ARHGAP20: variants seen among roughly 807,000 people sequenced by gnomAD.
ARHGAP20 encodes Rho GTPase activating protein 20, also known as rho GTPase-activating protein 20.
Under a neutral mutation model 73.7 loss-of-function variants are expected in ARHGAP20, and 34 were observed. That is an observed-to-expected ratio of 0.46 (90% CI 0.35 to 0.61). The LOEUF is 0.61. ARHGAP20 is among the 20% of genes least tolerant of loss of function. The pLI is 0.00. For synonymous variants in ARHGAP20, 523 were observed against 518.2 expected, an observed-to-expected ratio of 1.01 and a Z score of -0.13; for missense variants, 1,314 against 1,420.9, an observed-to-expected ratio of 0.92 and a Z score of 1.21.
intron 2 of ARHGAP20, among the ~76,000 whole-genome samples, chr11:110,632,553 C>T (rs1948880676): frequency 6.6e-6 from 1 of 152,056 alleles, no homozygotes. Context: ...TACAGGCATG[C>T]ACCACCACGC....
chr11:110,622,969 T>A (rs922209930), intron 4 of ARHGAP20, among the ~76,000 whole-genome samples: 4 of 152,118 alleles, frequency 2.6e-5, no homozygotes, highest in Admixed American at 6.5e-5. Context: ...AATTCCTTGA[T>A]TAAAAATGTC....
chr11:110,704,755 T>C (rs1950522721), intron 1 of ARHGAP20, among the ~76,000 whole-genome samples: 1 of 152,152 alleles, frequency 6.6e-6, no homozygotes, highest in African/African-American at 2.4e-5. Flanking sequence ...GCATTCTCTC[T>C]GCAGGCTTTC....
At chr11:110,639,092 T>A (rs745396561) in intron 2 of ARHGAP20, among the ~76,000 whole-genome samples, 1 of 152,078 alleles carries the variant, frequency 6.6e-6, no homozygotes, top group Non-Finnish European at 1.5e-5. Flanking sequence ...TGAGCATCTA[T>A]ATGTACTGTC....
chr11:110,703,804 G>C (rs1181080439), intron 1 of ARHGAP20, among the ~76,000 whole-genome samples: 1 of 152,040 alleles, frequency 6.6e-6, no homozygotes, highest in Non-Finnish European at 1.5e-5. Context: ...CAGCACCCTG[G>C]AGTAGGTAGA....
In ARHGAP20 at chr11:110,577,721, T is replaced by C; in HGVS notation, c.*1649A>G. The C allele has an allele frequency of 1.0e-6, 1 of 985,912 alleles. No homozygotes were observed. The highest frequency in any genetic ancestry group is 1.2e-6 in the Non-Finnish European group (1 of 829,974). 61.1% of individuals were successfully genotyped at this position (985,912 alleles called of 1,614,324 possible). A position where few individuals can be genotyped will look rare whatever the true frequency, so the allele number is the denominator to read the frequency against. ...TGGCCAGTGTCACGAAGTAGCTCTT[T>C]GGATACAGAGTTCTAAAAGATCATT... On this transcript the variant is annotated 3_prime_UTR_variant, in exon 15 of 15. Transcript: ENST00000683387.
At chr11:110,624,117 A>T in intron 4 of ARHGAP20, 45 bp downstream of exon 4, 1 of 1,576,788 alleles carries the variant, frequency 6.3e-7, no homozygotes, top group Non-Finnish European at 8.6e-7. Flanking sequence ...AGAAATTATC[A>T]TAGTAGCTAA....
At chr11:110,640,085 C>T (rs780400163) in intron 2 of ARHGAP20, among the ~76,000 whole-genome samples, 1 of 151,964 alleles carries the variant, frequency 6.6e-6, no homozygotes, top group Non-Finnish European at 1.5e-5. Flanking sequence ...TTAGACTTCT[C>T]CCCTTTTGCT....
chr11:110,617,272 T>A (rs983379922), intron 4 of ARHGAP20, among the ~76,000 whole-genome samples: 18 of 152,096 alleles, frequency 1.2e-4, no homozygotes, highest in African/African-American at 4.1e-4. Context: ...TTTCTTTTTT[T>A]TTTTGAGATG....
rs1947306582 is a variant in ARHGAP20, at chr11:110,577,223, ACT to A, written c.*2145_*2146del. 1 of 1,505,012 alleles carries A rather than the reference ACT, an allele frequency of 6.6e-7. No homozygotes were observed. 93.2% of individuals were successfully genotyped at this position (1,505,012 alleles called of 1,614,324 possible). A position where few individuals can be genotyped will look rare whatever the true frequency, so the allele number is the denominator to read the frequency against. On this transcript the variant is annotated 3_prime_UTR_variant, in exon 15 of 15. Transcript: ENST00000683387. The stretch of plus-strand genomic sequence containing the variant: ...AAATTTGTCAAGATATATTATACAA[ACT>A]CAAAGCATTTTAGATAAAGCATCAG...
rs1948460208 is a variant in ARHGAP20 at position 110,615,364 on chromosome 11, T to C, written c.545+189A>G. On this transcript the variant is annotated intron_variant, in intron 5 of 14. Transcript: ENST00000683387. ...CCTTCCTAGAAAGTTAAGAAATACA[T>C]ATAATGAGAGAACATTATTTGTAGC... Among the ~76,000 whole-genome samples the C allele has an allele frequency of 3.3e-5, 5 of 152,158 alleles. No individual in the cohort carries two copies. The South Asian group carries it at 8.3e-4, about 25-fold the overall frequency.
At chr11:110,686,804 C>T (rs533004071) in intron 2 of ARHGAP20, among the ~76,000 whole-genome samples, 14 of 151,952 alleles carry the variant, frequency 9.2e-5, no homozygotes, top group African/African-American at 3.4e-4. Flanking sequence ...ATTAGAAAGG[C>T]TTAGGAATCA....
At chr11:110,691,494 T>C (rs1237137380) in intron 1 of ARHGAP20, among the ~76,000 whole-genome samples, 1 of 152,178 alleles carries the variant, frequency 6.6e-6, no homozygotes, top group East Asian at 1.9e-4. Flanking sequence ...TGTTACCCAC[T>C]ACCTCTAGGC....
intron 6 of ARHGAP20, among the ~76,000 whole-genome samples, chr11:110,613,798 A>G (rs1176561974): frequency 6.6e-6 from 1 of 152,190 alleles, no homozygotes; most frequent in Non-Finnish European, 1.5e-5. Flanking sequence ...TGCCCAAAAC[A>G]TAACTATTTT....
rs773618619 is a variant in ARHGAP20, at chr11:110,580,389, G to C, written c.2557C>G (p.Gln853Glu). The C allele has an allele frequency of 5.6e-6, 9 of 1,614,228 alleles. No homozygotes were observed. The highest frequency in any genetic ancestry group is 6.8e-6 in the Non-Finnish European group (8 of 1,180,048). Residue 853 changes from glutamine (Q) to glutamate (E), a missense_variant, in exon 15 of 15, where the codon CAG becomes GAG. By Grantham distance (29) the Gln-to-Glu change is conservative. This residue lies in a region of ARHGAP20 where 641 missense variants were observed against 636.9 expected (regional missense o/e 1.01). Coordinates refer to ENST00000683387, the MANE Select transcript of ARHGAP20 (RefSeq NM_001384657.1). ...RRCSEPNIEDQNRKLTYLRGI... is the reference protein window; with the variant it reads ...RRCSEPNIEDENRKLTYLRGI... ...CTGAGATAGGTCAGCTTGCGGTTCT[G>C]GTCTTCTATGTTGGGCTCTGAGCAG...
At chr11:110,648,372 A>G (rs570259592) in intron 2 of ARHGAP20, among the ~76,000 whole-genome samples, 2 of 150,538 alleles carry the variant, frequency 1.3e-5, no homozygotes, top group African/African-American at 4.9e-5. Flanking sequence ...ATGTGGATAT[A>G]TATGTGTGAA....
In ARHGAP20 at chr11:110,700,867, A is replaced by G. The variant is rs369127354; in HGVS notation, c.106-10238T>C. On this transcript the variant is annotated intron_variant, in intron 1 of 14. Transcript: ENST00000683387. ...TGGTTTTTTGTTCTTGCAACAGTTTACTGAGAATGATGATTTCCAATTTCA... is the reference window on the plus strand; with the variant it reads ...TGGTTTTTTGTTCTTGCAACAGTTTGCTGAGAATGATGATTTCCAATTTCA... 1.9e-3 allele frequency among the ~76,000 whole-genome samples: 287 copies of G among 151,300 alleles called. 1 individual carries two copies. Among genetic ancestry groups the G allele is most frequent in the Admixed American group, 3.2e-3 (49 of 15,188 alleles).
chr11:110,703,869 C>T (rs1419092450), intron 1 of ARHGAP20, among the ~76,000 whole-genome samples: 1 of 152,164 alleles, frequency 6.6e-6, no homozygotes, highest in Non-Finnish European at 1.5e-5. Context: ...GGCTCCACTA[C>T]ATTTTTCACA....
chr11:110,665,204 A>G (rs1044876099), intron 2 of ARHGAP20, among the ~76,000 whole-genome samples: 1 of 152,214 alleles, frequency 6.6e-6, no homozygotes. Flanking sequence ...AAATGCAGCT[A>G]AAACAGTGTT....
chr11:110,577,124 C>T lies in ARHGAP20; in HGVS notation c.*2246G>A, dbSNP rs1161341998. The T allele has an allele frequency of 2.0e-6, 3 of 1,534,270 alleles. No individual in the cohort carries two copies. In the Admixed American group the frequency reaches 5.9e-5, roughly 30 times the overall value. On this transcript the variant is annotated 3_prime_UTR_variant, in exon 15 of 15. Transcript: ENST00000683387. ...TATCCATTATCAGTGCCTTGAAAAC[C>T]AAACAACTTTAAAAGTTAGCAGCAG...
Sources: gnomAD v4.1 joint callset for allele counts (sites outside exome capture counted in the v4.1 genomes callset) on GRCh38, gnomAD v4.1.1 for gene constraint, gnomAD v4.1.1 regional missense constraint, MANE v1.5 for transcripts, NCBI Gene and HGNC (gene_info 2026-07-23, HGNC 2026-07-21) for gene names.